EFCAB3: variants seen among roughly 807,000 people sequenced by gnomAD.
EFCAB3 encodes EF-hand calcium binding domain 3, also known as EF-hand calcium-binding domain-containing protein 3.
A neutral mutation model predicts 42.2 loss-of-function variants in EFCAB3; 36 were observed. The ratio of observed to expected loss-of-function variants is 0.85; its 90% confidence interval spans 0.65 to 1.13. EFCAB3 has a LOEUF of 1.13. EFCAB3 is among the 50% of genes most tolerant of loss of function. The pLI, the probability that EFCAB3 is intolerant of heterozygous loss-of-function variation, is 0.00. For synonymous variants in EFCAB3, 170 were observed against 172.8 expected (o/e 0.98, Z 0.13); for missense variants, 418 against 505.1 (o/e 0.83, Z 1.65).
At position 62,413,781 on chromosome 17, in the gene EFCAB3, TC is replaced by T. The variant is rs1567729852; in HGVS notation, c.918del (p.Phe307SerfsTer25). 1 of 1,613,778 alleles carries T rather than the reference TC, an allele frequency of 6.2e-7. No homozygotes were observed. The highest frequency in any genetic ancestry group is 8.5e-7 in the Non-Finnish European group (1 of 1,179,784). ...MDPASGYSNN[I>X]FTIDQMLKKK... ...CCTGCCTCAGGTTATTCAAATAACATCTTCACCATTGATCAAATGCTCAAGA... is the reference window on the plus strand; with the variant it reads ...CCTGCCTCAGGTTATTCAAATAACATTTCACCATTGATCAAATGCTCAAGA... On this transcript the variant is annotated frameshift_variant, in exon 9 of 10. Coordinates refer to ENST00000305286, the MANE Select transcript of EFCAB3 (RefSeq NM_173503.4). LOFTEE classifies it high-confidence loss of function.
upstream of EFCAB3, chr17:62,378,012 A>G: frequency 6.5e-7 from 1 of 1,549,530 alleles, no homozygotes; most frequent in South Asian, 1.2e-5. Context: ...TGCAAATGAT[A>G]TTAAAGGTGA....
chr17:62,372,470 C>T (rs1431381640), intron 1 of EFCAB3, among the ~76,000 whole-genome samples: 5 of 151,922 alleles, frequency 3.3e-5, no homozygotes, highest in Admixed American at 2.0e-4. Flanking sequence ...TTTGTAGAGA[C>T]GGGGTACCAC....
chr17:62,397,572 T>C, intron 6 of EFCAB3: 1 of 597,262 alleles, frequency 1.7e-6, no homozygotes, highest in East Asian at 4.1e-5. Flanking sequence ...CTGGAAAAAA[T>C]AGGGGTTGAA....
At chr17:62,415,977 A>G in intron 9 of EFCAB3, 26 bp from the exon 10 acceptor site, 1 of 1,560,024 alleles carries the variant, frequency 6.4e-7, no homozygotes, top group Non-Finnish European at 8.7e-7. Context: ...AGGTAACTAC[A>G]ATAAACTTCT....
intron 2 of EFCAB3, among the ~76,000 whole-genome samples, chr17:62,383,784 C>T (rs2070224994): frequency 6.6e-6 from 1 of 152,016 alleles, no homozygotes; most frequent in Admixed American, 6.6e-5. Flanking sequence ...TTTAGAAGAT[C>T]ATAAAGAAGA....
At chr17:62,391,192 T>C in intron 3 of EFCAB3, among the ~76,000 whole-genome samples, 1 of 152,148 alleles carries the variant, frequency 6.6e-6, no homozygotes, top group Non-Finnish European at 1.5e-5. Flanking sequence ...CAGCCTGTCC[T>C]TAGCCAGGAT....
At chr17:62,406,039 A>C (rs2070444452) in intron 6 of EFCAB3, among the ~76,000 whole-genome samples, 1 of 152,112 alleles carries the variant, frequency 6.6e-6, no homozygotes, top group South Asian at 2.1e-4. Flanking sequence ...AGTGTTTGTC[A>C]AGGATCATAA....
rs769645713 is a variant in EFCAB3 at position 62,382,997 on chromosome 17, TA to T, written c.21del (p.Lys7AsnfsTer6). MAVSEI[K>X]PKLKLNPLTK... ...CTGGCCACATGGCAGTTTCAGAAATTAAACCAAAACTTAAGCTGAATCCTCT... is the reference window on the plus strand; with the variant it reads ...CTGGCCACATGGCAGTTTCAGAAATTAACCAAAACTTAAGCTGAATCCTCT... On this transcript the variant is annotated frameshift_variant, in exon 2 of 10. Transcript: ENST00000305286. LOFTEE classifies it high-confidence loss of function. The T allele has an allele frequency of 3.1e-6, 5 of 1,613,552 alleles. No individual in the cohort carries two copies. The highest frequency in any genetic ancestry group is 4.2e-6 in the Non-Finnish European group (5 of 1,179,918).
At chr17:62,380,023 C>T (rs1300694374), upstream of EFCAB3, among the ~76,000 whole-genome samples, 1 of 151,932 alleles carries the variant, frequency 6.6e-6, no homozygotes, top group African/African-American at 2.4e-5. Context: ...TTTTCTGAGA[C>T]AAAAGTCTCG....
chr17:62,400,920 T>C (rs2070396523), intron 6 of EFCAB3, among the ~76,000 whole-genome samples: 1 of 152,208 alleles, frequency 6.6e-6, no homozygotes, highest in Admixed American at 6.5e-5. Flanking sequence ...CCAGCACCTG[T>C]TGTTTTTAAT....
At chr17:62,405,318 AC>A (rs2070438532) in intron 6 of EFCAB3, among the ~76,000 whole-genome samples, 1 of 152,208 alleles carries the variant, frequency 6.6e-6, no homozygotes, top group African/African-American at 2.4e-5. Context: ...TTTCCTACCA[AC>A]CACTGCTTCA....
At chr17:62,406,360 G>T in intron 6 of EFCAB3, 120 bp from the exon 7 acceptor site, 1 of 757,846 alleles carries the variant, frequency 1.3e-6, no homozygotes. Flanking sequence ...ATTATTGAAT[G>T]AATATGCAAA....
intron 2 of EFCAB3, among the ~76,000 whole-genome samples, chr17:62,386,233 A>C (rs1172516864): frequency 9.9e-5 from 15 of 152,190 alleles, no homozygotes; most frequent in Admixed American, 9.8e-4. Context: ...TCAGTTTTAC[A>C]TGATACATTT....
intron 4 of EFCAB3, among the ~76,000 whole-genome samples, chr17:62,392,851 A>G (rs2144080798): frequency 6.6e-6 from 1 of 152,090 alleles, no homozygotes; most frequent in Non-Finnish European, 1.5e-5. Context: ...GTTAGCCAGG[A>G]TGGTCTCGAT....
chr17:62,407,328 A>G (rs2070457445), intron 8 of EFCAB3, 116 bp downstream of exon 8: 1 of 916,250 alleles, frequency 1.1e-6, no homozygotes, highest in Non-Finnish European at 1.5e-6. Context: ...TTCAAAGCAG[A>G]TGCCATAACC....
At chr17:62,373,399 G>A (rs1347698578) in intron 1 of EFCAB3, among the ~76,000 whole-genome samples, 10 of 152,040 alleles carry the variant, frequency 6.6e-5, no homozygotes, top group African/African-American at 1.9e-4. Flanking sequence ...GATCACTTGA[G>A]GCCAAGAGTT....
chr17:62,410,385 T>C (rs2070484775), intron 8 of EFCAB3, among the ~76,000 whole-genome samples: 1 of 151,926 alleles, frequency 6.6e-6, no homozygotes, highest in Non-Finnish European at 1.5e-5. Context: ...AAATGGTACT[T>C]TCAAGTTTCA....
intron 3 of EFCAB3, among the ~76,000 whole-genome samples, chr17:62,391,574 A>G (rs8068386): frequency 0.99 from 151,209 of 152,272 alleles, 75,089 homozygotes; most frequent in South Asian, 1. Flanking sequence ...AAGGGATTAC[A>G]GTGTGGATAT....
intron 6 of EFCAB3, among the ~76,000 whole-genome samples, chr17:62,395,845 A>G (rs183452632): frequency 8.7e-4 from 132 of 152,284 alleles, no homozygotes; most frequent in African/African-American, 3.2e-3. Flanking sequence ...TTTTCAATTC[A>G]TACTCCTTCA....
Sources: allele counts gnomAD v4.1 joint callset (sites outside exome capture counted in the v4.1 genomes callset), GRCh38; gene constraint gnomAD v4.1.1; transcripts MANE v1.5; gene names NCBI Gene and HGNC (gene_info 2026-07-23, HGNC 2026-07-21).